The following MACF1 variants were observed in gnomAD, a reference collection of about 807,000 sequenced individuals.
MACF1 encodes the protein microtubule actin crosslinking factor 1.
Under a neutral mutation model 854.8 loss-of-function variants are expected in MACF1, and 193 were observed. The ratio of observed to expected loss-of-function variants is 0.23; its 90% CI spans 0.20 to 0.25. The LOEUF is 0.25. MACF1 is among the 10% of genes least tolerant of loss of function. The pLI, the probability that MACF1 is intolerant of heterozygous loss-of-function variation, is 1.00. For synonymous variants in MACF1, 3,185 were observed against 3,226.7 expected, an observed-to-expected ratio of 0.99 and a Z score of 0.44; for missense variants, 7,722 against 8,929.1, an observed-to-expected ratio of 0.86 and a Z score of 5.45.
At chr1:39,406,797 G>A (rs1642732778) in intron 58 of MACF1, among the ~76,000 whole-genome samples, 1 of 141,108 alleles carries the variant, frequency 7.1e-6, no homozygotes, top group Non-Finnish European at 1.5e-5. Context: ...GTTTCATCCA[G>A]AGCCAGAATT....
chr1:39,477,131 T>C (rs1308848856), intron 97 of MACF1, among the ~76,000 whole-genome samples: 3,132 of 91,192 alleles, frequency 0.034, 297 homozygotes, highest in African/African-American at 0.063. Flanking sequence ...TATATATATA[T>C]ATATACACAC....
rs56404463 is a variant in MACF1 at position 39,166,416 on chromosome 1, ATATTTATTTATTTATT to A, written c.221-64745_221-64730del. Among the ~76,000 whole-genome samples, 359 of 149,228 alleles carry A rather than the reference ATATTTATTTATTTATT, an allele frequency of 2.4e-3. 2 individuals are homozygous for A. Among genetic ancestry groups the A allele is most frequent in the African/African-American group, 8.4e-3 (337 of 40,122 alleles). The stretch of plus-strand genomic sequence containing the variant: ...TTTAACCATGCCCTGCCAGCACTAG[ATATTTATTTATTTATT>A]TATTTATTTATTTATTTATTCATTC... On this transcript the variant is annotated intron_variant, in intron 2 of 93. Coordinates refer to the MACF1 transcript ENST00000361689.
intron 2 of MACF1, among the ~76,000 whole-genome samples, chr1:39,190,842 A>G (rs1298845412): frequency 6.6e-6 from 1 of 151,626 alleles, no homozygotes; most frequent in Non-Finnish European, 1.5e-5. Context: ...TAAAAATACA[A>G]AAATTAGCCG....
At chr1:39,372,671 A>G in intron 52 of MACF1, 75 bp downstream of exon 52, 4 of 944,790 alleles carry the variant, frequency 4.2e-6, no homozygotes, top group Non-Finnish European at 6.8e-6. Context: ...GCCTCCTTAT[A>G]TAATTAAAGT....
chr1:39,458,832 G>A, intron 90 of MACF1: 2 of 499,084 alleles, frequency 4.0e-6, no homozygotes, highest in South Asian at 6.2e-5. Context: ...TTTTAGTTGA[G>A]TTAACGTGTC....
chr1:39,172,632 C>T (rs1033183661), intron 2 of MACF1, among the ~76,000 whole-genome samples: 5 of 152,242 alleles, frequency 3.3e-5, no homozygotes, highest in East Asian at 1.9e-4. Context: ...CAGGCTGCCA[C>T]TTTTCATACG....
chr1:39,194,824 TAGAACTACAGGTGTGTAACC>T (rs1322891616), intron 2 of MACF1, among the ~76,000 whole-genome samples: 1 of 151,970 alleles, frequency 6.6e-6, no homozygotes, highest in African/African-American at 2.4e-5. Flanking sequence ...CCCAAGTAGC[TAGAACTACAGGTGTGTAACC>T]ACTGGGCCTG....
chr1:39,116,011 A>T (rs1237291845), intron 2 of MACF1, among the ~76,000 whole-genome samples: 2 of 152,196 alleles, frequency 1.3e-5, no homozygotes, highest in African/African-American at 4.8e-5. Flanking sequence ...GACCTTTGGA[A>T]CTTGGACTTT....
intron 38 of MACF1, among the ~76,000 whole-genome samples, chr1:39,338,724 A>G (rs1199954856): frequency 2.0e-5 from 3 of 152,144 alleles, no homozygotes; most frequent in Non-Finnish European, 2.9e-5. Flanking sequence ...TCACATACAT[A>G]CTGAATTTTG....
chr1:39,469,498 C>T (rs1203777858), intron 96 of MACF1, 49 bp from the exon 97 acceptor site: 10 of 1,397,394 alleles, frequency 7.2e-6, no homozygotes, highest in East Asian at 5.0e-5. Context: ...CTAGTTTCTG[C>T]GTTTCCTGCC....
intron 49 of MACF1, among the ~76,000 whole-genome samples, chr1:39,363,572 T>G (rs1648391413): frequency 6.6e-6 from 1 of 151,042 alleles, no homozygotes; most frequent in Non-Finnish European, 1.5e-5. Flanking sequence ...AGAGTTACAG[T>G]TTAATCAACA....
chr1:39,353,295 C>T (rs1294946830), intron 44 of MACF1, 64 bp downstream of exon 44: 12 of 1,260,704 alleles, frequency 9.5e-6, no homozygotes, highest in Non-Finnish European at 1.3e-5. Context: ...CAAGTAACCA[C>T]AATCACCTTG....
chr1:39,086,314 G>C (rs1310937904), intron 2 of MACF1, among the ~76,000 whole-genome samples: 1 of 152,256 alleles, frequency 6.6e-6, no homozygotes, highest in African/African-American at 2.4e-5. Context: ...ACTTTAGAGG[G>C]AATGAGCTCC....
intron 38 of MACF1, among the ~76,000 whole-genome samples, 192 bp from the exon 39 acceptor site, chr1:39,340,310 C>G (rs916963181): frequency 6.6e-6 from 1 of 152,100 alleles, no homozygotes; most frequent in African/African-American, 2.4e-5. Flanking sequence ...AAATCCAGAA[C>G]AGTAACATCT....
intron 42 of MACF1, 100 bp from the exon 43 acceptor site, chr1:39,350,685 C>T: frequency 2.5e-6 from 2 of 786,694 alleles, no homozygotes; most frequent in Non-Finnish European, 4.2e-6. Context: ...GGACTATATA[C>T]AGGACTATAT....
intron 61 of MACF1, among the ~76,000 whole-genome samples, chr1:39,425,896 C>T (rs543104263): frequency 6.6e-6 from 1 of 152,114 alleles, no homozygotes; most frequent in Non-Finnish European, 1.5e-5. Context: ...TGACTCTTTC[C>T]TTCTACTTTA....
At chr1:39,395,281 G>A (rs1642227791) in intron 58 of MACF1, among the ~76,000 whole-genome samples, 1 of 152,204 alleles carries the variant, frequency 6.6e-6, no homozygotes, top group Non-Finnish European at 1.5e-5. Context: ...TATAGCCCTG[G>A]AAGAAATTGC....
chr1:39,162,937 C>T (rs918143738), intron 2 of MACF1, among the ~76,000 whole-genome samples: 1 of 152,098 alleles, frequency 6.6e-6, no homozygotes, highest in African/African-American at 2.4e-5. Context: ...TTTAAATGTC[C>T]TTCAGTAGTC....
intron 80 of MACF1, among the ~76,000 whole-genome samples, chr1:39,445,357 A>T (rs1644204443): frequency 6.6e-6 from 1 of 152,210 alleles, no homozygotes; most frequent in African/African-American, 2.4e-5. Context: ...GCCCAAAAAG[A>T]TTATTTTTTA....
Sources: gnomAD v4.1 joint callset for allele counts (sites outside exome capture counted in the v4.1 genomes callset) on GRCh38, gnomAD v4.1.1 for gene constraint, MANE v1.5 for transcripts, NCBI Gene and HGNC (gene_info 2026-07-23, HGNC 2026-07-21) for gene names.